The following OR2G6 variants were observed in gnomAD, a reference collection of about 807,000 sequenced individuals.
The protein encoded by OR2G6 is olfactory receptor family 2 subfamily G member 6.
For missense variants in OR2G6, 457 were observed against 391.3 expected (o/e 1.17, Z -1.42); for synonymous variants, 183 against 155.2 (o/e 1.18, Z -1.33).
At chr1:248,521,466 G>T in intron 1 of OR2G6, 145 bp from the exon 2 acceptor site, 1 of 501,912 alleles carries the variant, frequency 2.0e-6, no homozygotes, top group Non-Finnish European at 3.5e-6. Context: ...GGCATTTCCC[G>T]CCCATGGATT....
chr1:248,521,354 AT>A (rs1308955261), intron 1 of OR2G6, among the ~76,000 whole-genome samples: 1 of 152,216 alleles, frequency 6.6e-6, no homozygotes, highest in Non-Finnish European at 1.5e-5. Flanking sequence ...AAGTACAAGA[AT>A]AAGCAAAGAG....
intron 1 of OR2G6, among the ~76,000 whole-genome samples, chr1:248,520,421 A>G (rs997156771): frequency 3.3e-5 from 5 of 152,012 alleles, no homozygotes; most frequent in Admixed American, 2.0e-4. Context: ...TTATAGTTTA[A>G]AAAAAAGTTT....
chr1:248,521,463 C>T, intron 1 of OR2G6, 148 bp from the exon 2 acceptor site: 1 of 509,656 alleles, frequency 2.0e-6, no homozygotes. Context: ...AGTGGCATTT[C>T]CCGCCCATGG....
rs1558372354 is a variant in OR2G6, at chr1:248,522,158, A to C, written c.512A>C (p.His171Pro). 1.2e-6 allele frequency: 2 copies of C among 1,614,166 alleles called. No homozygotes were observed. The highest frequency in any genetic ancestry group is 2.2e-5 in the East Asian group (1 of 44,884). Residue 171 changes from histidine (H) to proline (P), a missense_variant, in exon 2 of 2, where the codon CAT (histidine) becomes CCT (proline). Physicochemically the swap from His to Pro is moderately conservative, Grantham distance 77. Transcript: ENST00000641804. Reference sequence around the variant, plus strand: ...ACTGTGCAGCTGCCCCTCTGTGGTCATCGCACACTGGATCATATTTTCTGT... The same window carrying C: ...ACTGTGCAGCTGCCCCTCTGTGGTCCTCGCACACTGGATCATATTTTCTGT... Reference protein sequence around the residue: ...SLTVQLPLCGHRTLDHIFCEV... With the variant: ...SLTVQLPLCGPRTLDHIFCEV...
At position 248,523,489 on chromosome 1, in the gene OR2G6, G is replaced by A. The variant is rs191050778; in HGVS notation, c.*892G>A. The stretch of plus-strand genomic sequence containing the variant: ...GTTATTGTTTTTGGCCTTAAACTCT[G>A]GAAAACAGTTACTTATGTAATTTTA... On this transcript the variant is annotated 3_prime_UTR_variant, in exon 2 of 2. Coordinates refer to ENST00000641804, the MANE Select transcript of OR2G6 (RefSeq NM_001013355.2). The A allele has an allele frequency of 2.6e-4, 39 of 151,796 alleles. No individual in the cohort carries two copies. Among genetic ancestry groups the A allele is most frequent in the Admixed American group, 9.8e-4 (15 of 15,264 alleles). 9.4% of individuals were successfully genotyped at this position (151,796 alleles called of 1,614,324 possible).
At position 248,522,821 on chromosome 1, in the gene OR2G6, G is replaced by A. The variant is rs996651161; in HGVS notation, c.*224G>A. The A allele has an allele frequency of 5.9e-6, 3 of 508,506 alleles. No homozygotes were observed. The highest frequency in any genetic ancestry group is 1.0e-5 in the Non-Finnish European group (3 of 294,174). 31.5% of individuals were successfully genotyped at this position (508,506 alleles called of 1,614,324 possible). On this transcript the variant is annotated 3_prime_UTR_variant, in exon 2 of 2. Coordinates refer to ENST00000641804, the MANE Select transcript of OR2G6 (RefSeq NM_001013355.2). ...TAGGAAGCATTGGAATTCTAAAGAA[G>A]AGAAACACACCAAAGCAGCATGAGG...
rs1484774798 is a variant in OR2G6 at position 248,522,162 on chromosome 1, C to T, written c.516C>T (p.Arg172=). 1 of 1,614,192 alleles carries T rather than the reference C, an allele frequency of 6.2e-7. No individual in the cohort carries two copies. Among genetic ancestry groups the T allele is most frequent in the South Asian group, 1.1e-5 (1 of 91,080 alleles). ...LTVQLPLCGH[R]TLDHIFCEVP... ...TGCAGCTGCCCCTCTGTGGTCATCGCACACTGGATCATATTTTCTGTGAGG... is the reference window on the plus strand; with the variant it reads ...TGCAGCTGCCCCTCTGTGGTCATCGTACACTGGATCATATTTTCTGTGAGG... The change falls in exon 2 of 2, where the codon CGC becomes CGT. Residue 172 remains arginine (R), a synonymous_variant. Transcript: ENST00000641804.
rs967906861 is a variant in OR2G6 at position 248,526,095 on chromosome 1, G to A, written c.*3498G>A. 1 of 151,816 alleles carries A rather than the reference G, an allele frequency of 6.6e-6. No individual in the cohort carries two copies. Among genetic ancestry groups the A allele is most frequent in the South Asian group, 2.1e-4 (1 of 4,814 alleles). The allele number at this position is 151,816 out of a possible 1,614,324, so 9.4% of individuals were successfully genotyped here. On this transcript the variant is annotated 3_prime_UTR_variant, in exon 2 of 2. Coordinates refer to ENST00000641804, the MANE Select transcript of OR2G6 (RefSeq NM_001013355.2). ...GAATGATCAGACAGGGAAAATAAAA[G>A]TACCAAGAAAAATAAACAAGGGTCT...
Position 248,523,569 on chromosome 1 carries a change from A to G in OR2G6, c.*972A>G, listed in dbSNP as rs758332090. On this transcript the variant is annotated 3_prime_UTR_variant, in exon 2 of 2. Transcript: ENST00000641804. ...CACACTGTCTCACGTTAACGATCAT[A>G]GTTATATGTTTGGTTTCCAAAACAG... The G allele has an allele frequency of 6.6e-6, 1 of 152,206 alleles. No individual in the cohort carries two copies. Among genetic ancestry groups the G allele is most frequent in the Non-Finnish European group, 1.5e-5 (1 of 68,036 alleles). The allele number at this position is 152,206 out of a possible 1,614,324, so 9.4% of individuals were successfully genotyped here.
Position 248,521,967 on chromosome 1 carries a change from G to A in OR2G6, c.321G>A (p.Leu107=). The A allele has an allele frequency of 6.2e-7, 1 of 1,614,136 alleles. No individual in the cohort carries two copies. The highest frequency in any genetic ancestry group is 1.1e-5 in the South Asian group (1 of 91,078). Reference sequence around the variant, plus strand: ...CCCAGCTCTATGTGGCCATGGGGTTGGGCTCGTCTGAGTGTATTCTCTTGG... The same window carrying A: ...CCCAGCTCTATGTGGCCATGGGGTTAGGCTCGTCTGAGTGTATTCTCTTGG... ...CVAQLYVAMG[L]GSSECILLAV... The change falls in exon 2 of 2, where the codon TTG becomes TTA. Residue 107 remains leucine (L), a synonymous_variant. Transcript: ENST00000641804.
chr1:248,520,301 T>C (rs555527304), intron 1 of OR2G6, among the ~76,000 whole-genome samples: 3 of 152,058 alleles, frequency 2.0e-5, no homozygotes, highest in East Asian at 3.9e-4. Context: ...GAAGGAGGGA[T>C]AGCATTAGGA....
rs186485787 is a variant in OR2G6 at position 248,523,034 on chromosome 1, G to C, written c.*437G>C. On this transcript the variant is annotated 3_prime_UTR_variant, in exon 2 of 2. Transcript: ENST00000641804. ...GCTGAAATGTCACCTGCACTCACTA[G>C]CTGTCCTGAAACACCATCCTTCTCA... 1.1e-3 allele frequency: 180 copies of C among 163,502 alleles called. 1 individual carries two copies. The highest frequency in any genetic ancestry group is 4.1e-3 in the African/African-American group (173 of 41,748). The allele number at this position is 163,502 out of a possible 1,614,324, so 10.1% of individuals were successfully genotyped here. A position where few individuals can be genotyped will look rare whatever the true frequency, so the allele number is the denominator to read the frequency against.
rs1664360293 is a variant in OR2G6 at position 248,524,782 on chromosome 1, C to T, written c.*2185C>T. On this transcript the variant is annotated 3_prime_UTR_variant, in exon 2 of 2. Transcript: ENST00000641804. ...AATAAAATCAAATTATTACTGTATA[C>T]AATAAATTCAAACATAATTCAGAAA... 1 of 151,956 alleles carries T rather than the reference C, an allele frequency of 6.6e-6. No homozygotes were observed. Among genetic ancestry groups the T allele is most frequent in the East Asian group, 1.9e-4 (1 of 5,190 alleles). 9.4% of individuals were successfully genotyped at this position (151,956 alleles called of 1,614,324 possible). A position where few individuals can be genotyped will look rare whatever the true frequency, so the allele number is the denominator to read the frequency against.
At chr1:248,519,449 G>GT (rs1385472733) in intron 1 of OR2G6, among the ~76,000 whole-genome samples, 1 of 150,624 alleles carries the variant, frequency 6.6e-6, no homozygotes, top group African/African-American at 2.4e-5. Context: ...TTCTTCTAGG[G>GT]TTTTTATTGT....
Position 248,525,481 on chromosome 1 carries a change from TAACA to T in OR2G6, c.*2887_*2890del, listed in dbSNP as rs1282450320. Reference sequence around the variant, plus strand: ...TAAGAAAAAATAAAATGATTTTACATAACAAATATTAATGAATTCATGAAAAACA... The same window carrying T: ...TAAGAAAAAATAAAATGATTTTACATAATATTAATGAATTCATGAAAAACA... On this transcript the variant is annotated 3_prime_UTR_variant, in exon 2 of 2. Transcript: ENST00000641804. The T allele has an allele frequency of 3.3e-5, 5 of 151,388 alleles. No individual in the cohort carries two copies. In the East Asian group the frequency reaches 5.8e-4, roughly 18 times the overall value. The allele number at this position is 151,388 out of a possible 1,614,324, so 9.4% of individuals were successfully genotyped here.
At position 248,521,976 on chromosome 1, in the gene OR2G6, TGA is replaced by T. The variant is rs760881055; in HGVS notation, c.332_333del (p.Glu111ValfsTer10). 8.7e-6 allele frequency: 14 copies of T among 1,614,072 alleles called. No homozygotes were observed. The highest frequency in any genetic ancestry group is 1.2e-5 in the Non-Finnish European group (14 of 1,180,024). ...ATGTGGCCATGGGGTTGGGCTCGTC[TGA>T]GTGTATTCTCTTGGCCGTCATGGCT... ...LYVAMGLGSS[E>X]CILLAVMAYD... On this transcript the variant is annotated frameshift_variant, in exon 2 of 2. Transcript: ENST00000641804. LOFTEE classifies it low-confidence loss of function (END_TRUNC).
rs201151708 is a variant in OR2G6 at position 248,522,536 on chromosome 1, T to G, written c.890T>G (p.Val297Gly). 128 of 1,614,064 alleles carry G rather than the reference T, an allele frequency of 7.9e-5. 1 individual carries two copies. The highest frequency in any genetic ancestry group is 4.4e-4 in the South Asian group (40 of 91,082). Reference sequence around the variant, plus strand: ...ATCTACACTCTGAGAAACAAAGATGTGAAAGGGGCCTTGAGGACCCTGATA... The same window carrying G: ...ATCTACACTCTGAGAAACAAAGATGGGAAAGGGGCCTTGAGGACCCTGATA... Reference protein sequence around the residue: ...PIIYTLRNKDVKGALRTLILG... With the variant: ...PIIYTLRNKDGKGALRTLILG... Residue 297 changes from valine (V) to glycine (G), a missense_variant, in exon 2 of 2, where the codon GTG (valine) becomes GGG (glycine). Val to Gly is a moderately radical substitution (Grantham distance 109). Coordinates refer to ENST00000641804, the MANE Select transcript of OR2G6 (RefSeq NM_001013355.2).
intron 1 of OR2G6, among the ~76,000 whole-genome samples, chr1:248,521,323 A>G (rs1437734016): frequency 1.3e-5 from 2 of 152,190 alleles, no homozygotes; most frequent in Non-Finnish European, 1.5e-5. Flanking sequence ...ACATATAAAT[A>G]TATCGGTGTA....
Position 248,527,215 on chromosome 1 carries a change from G to T in OR2G6, c.*4618G>T, listed in dbSNP as rs1572070630. ...AGTTTCAGCTTTCTACATATGGCTAGTCAGTTTTCCCAGCACCATTTGTTA... is the reference window on the plus strand; with the variant it reads ...AGTTTCAGCTTTCTACATATGGCTATTCAGTTTTCCCAGCACCATTTGTTA... On this transcript the variant is annotated 3_prime_UTR_variant, in exon 2 of 2. Transcript: ENST00000641804. 1 of 152,162 alleles carries T rather than the reference G, an allele frequency of 6.6e-6. No homozygotes were observed. Among genetic ancestry groups the T allele is most frequent in the South Asian group, 2.1e-4 (1 of 4,826 alleles). 9.4% of individuals were successfully genotyped at this position (152,162 alleles called of 1,614,324 possible).
Sources: allele counts gnomAD v4.1 joint callset (sites outside exome capture counted in the v4.1 genomes callset), GRCh38; gene constraint gnomAD v4.1.1; transcripts MANE v1.5; gene names NCBI Gene and HGNC (gene_info 2026-07-23, HGNC 2026-07-21).